WDR27: variants seen among roughly 807,000 people sequenced by gnomAD.
The protein encoded by WDR27 is WD repeat domain 27, also known as WD repeat-containing protein 27.
Under a neutral mutation model 114.4 loss-of-function variants are expected in WDR27, and 100 were observed. The observed-to-expected ratio is 0.87, with a 90% CI of 0.74 to 1.03. The LOEUF (loss-of-function observed/expected upper bound fraction) is 1.03, where lower values mean the gene tolerates loss of function less well. WDR27 is among the 50% of genes least tolerant of loss of function. WDR27 has a pLI of 0.00. For synonymous variants in WDR27, 449 were observed against 423.1 expected (o/e 1.06, Z -0.75); for missense variants, 1,129 against 1,092.9 (o/e 1.03, Z -0.47).
intron 25 of WDR27, among the ~76,000 whole-genome samples, chr6:169,544,573 G>C (rs1797224393): frequency 6.6e-6 from 1 of 151,924 alleles, no homozygotes; most frequent in Non-Finnish European, 1.5e-5. Context: ...CAAGTAGCTG[G>C]GACCACAGGC....
At chr6:169,642,236 T>G (rs564628689) in intron 17 of WDR27, among the ~76,000 whole-genome samples, 50 of 152,284 alleles carry the variant, frequency 3.3e-4, no homozygotes, top group African/African-American at 1.2e-3. Flanking sequence ...GATGCCACTA[T>G]TAAACGTTAC....
At chr6:169,448,956 T>G in the WDR27 span, among the ~76,000 whole-genome samples, 1 of 152,324 alleles carries the variant, frequency 6.6e-6, no homozygotes, top group South Asian at 2.1e-4. Flanking sequence ...TCTTCCACCC[T>G]TTCTGTTTCC....
chr6:169,458,443 C>T (rs1784539794), intron 25 of WDR27, among the ~76,000 whole-genome samples: 1 of 130,612 alleles, frequency 7.7e-6, no homozygotes, highest in Non-Finnish European at 1.6e-5. Flanking sequence ...GCCCTTGACC[C>T]TCCTTCAATT....
intron 1 of WDR27, among the ~76,000 whole-genome samples, chr6:169,691,724 G>A (rs1237247911): frequency 6.6e-6 from 1 of 152,090 alleles, no homozygotes; most frequent in Non-Finnish European, 1.5e-5. Flanking sequence ...ACAAATAATA[G>A]TACTTGTATG....
chr6:169,555,183 A>C (rs970326779), intron 25 of WDR27, among the ~76,000 whole-genome samples: 1 of 152,202 alleles, frequency 6.6e-6, no homozygotes, highest in African/African-American at 2.4e-5. Flanking sequence ...TCCTCTTCAC[A>C]TCAGCATCTA....
rs900719214 is a variant in WDR27, at chr6:169,697,940, C to T, written c.-8+3611G>A. ...TTATTTCTACACTCGTCCCCGCGCA[C>T]GGGGAGAGACCCACTGACCCTGCGG... On this transcript the variant is annotated intron_variant, in intron 1 of 25. Transcript: ENST00000448612. Among the ~76,000 whole-genome samples, 14 of 152,144 alleles carry T rather than the reference C, an allele frequency of 9.2e-5. 1 individual carries two copies. The highest frequency in any genetic ancestry group is 1.9e-4 in the East Asian group (1 of 5,180).
intron 25 of WDR27, among the ~76,000 whole-genome samples, chr6:169,561,216 A>G (rs1224538885): frequency 6.6e-6 from 1 of 152,128 alleles, no homozygotes; most frequent in Non-Finnish European, 1.5e-5. Flanking sequence ...TGCCCCTCAC[A>G]TGGTAGAAAG....
chr6:169,642,295 T>C (rs1161596370), intron 17 of WDR27, among the ~76,000 whole-genome samples: 3 of 149,802 alleles, frequency 2.0e-5, no homozygotes, highest in African/African-American at 7.3e-5. Context: ...TGGTTAAATG[T>C]GGCCCTTCCC....
intron 25 of WDR27, among the ~76,000 whole-genome samples, chr6:169,461,122 T>C (rs1485139619): frequency 6.6e-6 from 1 of 152,022 alleles, no homozygotes; most frequent in Non-Finnish European, 1.5e-5. Context: ...TCAAAATATA[T>C]GAAGCAAAAA....
Position 169,571,594 on chromosome 6 carries a change from G to A in WDR27, c.2645+825C>T, listed in dbSNP as rs1380337380. Among the ~76,000 whole-genome samples, 7 of 152,214 alleles carry A rather than the reference G, an allele frequency of 4.6e-5. No individual in the cohort carries two copies. The East Asian group carries it at 5.8e-4, about 13-fold the overall frequency. ...TGCAATCCCAGCACTTTGGGAAGCC[G>A]AGGCAGGAGGATCGCTTGAGCCCAG... On this transcript the variant is annotated intron_variant, in intron 25 of 25. Coordinates refer to ENST00000448612, the MANE Select transcript of WDR27 (RefSeq NM_182552.5).
chr6:169,433,553 G>A, the WDR27 span, among the ~76,000 whole-genome samples: 1 of 152,170 alleles, frequency 6.6e-6, no homozygotes, highest in South Asian at 2.1e-4. Context: ...ATAAACATAT[G>A]TGTGCATGTG....
At position 169,701,808 on chromosome 6, in the gene WDR27, G is replaced by A. The variant is rs572397419; in HGVS notation, c.-265C>T. The A allele has an allele frequency of 1.0e-3, 301 of 290,450 alleles. 1 individual carries two copies. Among genetic ancestry groups the A allele is most frequent in the African/African-American group, 6.7e-3 (285 of 42,414 alleles). The allele number at this position is 290,450 out of a possible 1,614,324, so 18.0% of individuals were successfully genotyped here. On this transcript the variant is annotated 5_prime_UTR_variant, in exon 1 of 26. Transcript: ENST00000448612. ...TTCCTAGAGACCTCAGCGGAGCCGC[G>A]AGCAACCGCGCAGCCCCCGCGCTCC...
chr6:169,445,838 G>A, the WDR27 span, among the ~76,000 whole-genome samples: 7 of 152,232 alleles, frequency 4.6e-5, no homozygotes, highest in Admixed American at 3.3e-4. Flanking sequence ...CAAGGAATCC[G>A]GCAATAGCCG....
intron 5 of WDR27, 132 bp downstream of exon 5, chr6:169,667,850 C>A: frequency 1.1e-6 from 1 of 876,846 alleles, no homozygotes; most frequent in Non-Finnish European, 1.7e-6. Context: ...ATAGCGGGCG[C>A]CTTGCAGAAG....
chr6:169,600,111 A>G (rs1026732580), intron 23 of WDR27, among the ~76,000 whole-genome samples: 25 of 152,126 alleles, frequency 1.6e-4, no homozygotes, highest in African/African-American at 6.0e-4. Context: ...GTTTGTTCGC[A>G]CTGTGGTCTG....
At chr6:169,636,607 G>A in intron 18 of WDR27, 103 bp from the exon 19 acceptor site, 2 of 1,193,090 alleles carry the variant, frequency 1.7e-6, no homozygotes, top group Non-Finnish European at 2.3e-6. Context: ...ACATCTATTT[G>A]TTCTAAATGT....
At chr6:169,654,820 C>A (rs116149198) in intron 13 of WDR27, among the ~76,000 whole-genome samples, 3 of 151,880 alleles carry the variant, frequency 2.0e-5, no homozygotes, top group African/African-American at 7.3e-5. Flanking sequence ...GGAGGAGGGG[C>A]GCTCAGAAGG....
intron 2 of WDR27, among the ~76,000 whole-genome samples, chr6:169,687,944 A>C (rs1783440443): frequency 6.6e-6 from 1 of 152,188 alleles, no homozygotes; most frequent in Admixed American, 6.5e-5. Flanking sequence ...GTGTGTGTGC[A>C]CCAAAAGACA....
chr6:169,540,279 G>A lies in WDR27; in HGVS notation c.2645+32140C>T, dbSNP rs528650094. 3.9e-5 allele frequency among the ~76,000 whole-genome samples: 6 copies of A among 152,136 alleles called. No individual in the cohort carries two copies. The South Asian group carries it at 8.3e-4, about 21-fold the overall frequency. ...CACCACATAACTTGCTTATGATCAC[G>A]ATGCTTAAAATTATATTGACTTCTT... On this transcript the variant is annotated intron_variant, in intron 25 of 25. Transcript: ENST00000448612.
Sources: gnomAD v4.1 joint callset for allele counts (sites outside exome capture counted in the v4.1 genomes callset) on GRCh38, gnomAD v4.1.1 for gene constraint, MANE v1.5 for transcripts, NCBI Gene and HGNC (gene_info 2026-07-23, HGNC 2026-07-21) for gene names.